NAV2: variants seen among roughly 807,000 people sequenced by gnomAD.
The protein encoded by NAV2 is helicase, APC down-regulated 1.
NAV2 carries 54 observed loss-of-function variants against 223.2 expected under a neutral mutation model. The ratio of observed to expected loss-of-function variants is 0.24; its 90% confidence interval spans 0.19 to 0.30. The LOEUF (loss-of-function observed/expected upper bound fraction) is 0.30, where lower values mean the gene tolerates loss of function less well. NAV2 is among the 10% of genes least tolerant of loss of function. NAV2 has a pLI of 1.00. For missense variants in NAV2, 2,806 were observed against 3,147.5 expected, an observed-to-expected ratio of 0.89 and a Z score of 2.60; for synonymous variants, 1,279 against 1,239.3, an observed-to-expected ratio of 1.03 and a Z score of -0.67.
upstream of NAV2, among the ~76,000 whole-genome samples, chr11:19,709,953 A>G (rs929954): frequency 0.11 from 17,197 of 152,288 alleles, 1,312 homozygotes; most frequent in Non-Finnish European, 0.17. Flanking sequence ...ATCAGAATTT[A>G]GTTATATAAA....
intron 11 of NAV2, among the ~76,000 whole-genome samples, chr11:20,000,263 T>C (rs1287641281): frequency 6.6e-6 from 1 of 152,120 alleles, no homozygotes; most frequent in Non-Finnish European, 1.5e-5. Context: ...CCTGTTAAAA[T>C]CCCCAGCAAA....
At chr11:19,715,690 C>G (rs2050248830) in intron 1 of NAV2, among the ~76,000 whole-genome samples, 1 of 152,078 alleles carries the variant, frequency 6.6e-6, no homozygotes, top group African/African-American at 2.4e-5. Context: ...ATCACCCTGT[C>G]CGTGAAAAAA....
At chr11:19,441,868 A>G (rs187039108) in intron 1 of NAV2, among the ~76,000 whole-genome samples, 7 of 152,300 alleles carry the variant, frequency 4.6e-5, no homozygotes, top group South Asian at 2.1e-4. Flanking sequence ...CACGTATTCA[A>G]TTTGGTCTGG....
chr11:20,094,022 C>T (rs953599325), intron 29 of NAV2, among the ~76,000 whole-genome samples: 2 of 152,224 alleles, frequency 1.3e-5, no homozygotes, highest in Non-Finnish European at 2.9e-5. Context: ...CAGAACAAAG[C>T]GTCTGCAGCC....
chr11:19,792,911 T>G (rs1465387773), intron 1 of NAV2, among the ~76,000 whole-genome samples: 1 of 146,266 alleles, frequency 6.8e-6, no homozygotes, highest in Non-Finnish European at 1.5e-5. Context: ...GAGTGAGCCA[T>G]TAAAAAAAAA....
Position 20,078,029 on chromosome 11 carries a change from C to G in NAV2, c.5104C>G (p.Leu1702Val). 1.2e-6 allele frequency: 2 copies of G among 1,613,186 alleles called. No homozygotes were observed. The highest frequency in any genetic ancestry group is 1.7e-6 in the Non-Finnish European group (2 of 1,179,740). The change falls in exon 24 of 38, where the codon CTG (leucine) becomes GTG (valine). Residue 1702 changes from leucine (L) to valine (V), a missense_variant. Around this residue, in one of 4 missense-constraint regions of NAV2, gnomAD observed 824 missense variants for 1,069.4 expected, o/e 0.77. Coordinates refer to ENST00000349880, the MANE Select transcript of NAV2 (RefSeq NM_145117.5). ...ELNELRKTIE[L>V]LKKQNAAAQA... The stretch of plus-strand genomic sequence containing the variant: ...GAATGAGTTAAGAAAAACCATTGAG[C>G]TGCTAAAGAAACAGAACGCAGCTGC...
chr11:19,658,793 C>A (rs537154749), intron 1 of NAV2, among the ~76,000 whole-genome samples: 2 of 152,152 alleles, frequency 1.3e-5, no homozygotes, highest in Non-Finnish European at 2.9e-5. Flanking sequence ...TCAGAAAATT[C>A]TACAAAGCAG....
At chr11:19,994,827 T>G (rs1347219006) in intron 11 of NAV2, among the ~76,000 whole-genome samples, 2 of 152,216 alleles carry the variant, frequency 1.3e-5, no homozygotes, top group African/African-American at 4.8e-5. Context: ...TCACACCAGA[T>G]AGAAGCTTTC....
chr11:19,870,228 C>T (rs150230532), intron 4 of NAV2, among the ~76,000 whole-genome samples: 1 of 152,220 alleles, frequency 6.6e-6, no homozygotes, highest in East Asian at 1.9e-4. Flanking sequence ...TCAGGGCTGG[C>T]TGACATGTGG....
At chr11:19,756,768 TA>T (rs1301151742) in intron 1 of NAV2, among the ~76,000 whole-genome samples, 1 of 152,222 alleles carries the variant, frequency 6.6e-6, no homozygotes, top group Non-Finnish European at 1.5e-5. Flanking sequence ...TGCTGGGAGT[TA>T]AAAAGGCTGA....
intron 1 of NAV2, among the ~76,000 whole-genome samples, chr11:19,434,124 G>A (rs1421632767): frequency 1.3e-5 from 2 of 152,026 alleles, no homozygotes; most frequent in African/African-American, 4.8e-5. Flanking sequence ...AAAAAAAAGA[G>A]GAGAACATGG....
chr11:20,070,058 T>C (rs1440616241), intron 22 of NAV2, among the ~76,000 whole-genome samples: 1 of 152,220 alleles, frequency 6.6e-6, no homozygotes, highest in African/African-American at 2.4e-5. Flanking sequence ...TAATCTTTTA[T>C]TTTCTTTACC....
chr11:20,098,177 CT>C (rs1381611231), intron 31 of NAV2, among the ~76,000 whole-genome samples: 1 of 152,150 alleles, frequency 6.6e-6, no homozygotes, highest in East Asian at 1.9e-4. Context: ...ACGCATGATG[CT>C]GCTAGAGCTT....
At chr11:20,010,569 A>T (rs2053482527) in intron 11 of NAV2, among the ~76,000 whole-genome samples, 2 of 152,084 alleles carry the variant, frequency 1.3e-5, no homozygotes, top group Non-Finnish European at 2.9e-5. Context: ...TTGGATTCCA[A>T]CAGCTTTAAA....
chr11:19,621,202 G>A (rs1337530212), intron 1 of NAV2, among the ~76,000 whole-genome samples: 1 of 152,140 alleles, frequency 6.6e-6, no homozygotes, highest in Non-Finnish European at 1.5e-5. Context: ...TGTTCATCAG[G>A]GATATTGGTC....
At chr11:19,383,600 C>T (rs987425801) in intron 1 of NAV2, among the ~76,000 whole-genome samples, 88 of 152,190 alleles carry the variant, frequency 5.8e-4, no homozygotes, top group African/African-American at 1.9e-3. Context: ...GCACAGACTT[C>T]GGCGTCACAC....
upstream of NAV2, chr11:19,711,594 A>T (rs2049880837): frequency 6.6e-6 from 1 of 152,242 alleles, no homozygotes; most frequent in South Asian, 2.1e-4. Context: ...AGTTAATAGC[A>T]TCTGAGTTAT....
chr11:19,659,980 C>T (rs375080119), intron 1 of NAV2, among the ~76,000 whole-genome samples: 9 of 149,292 alleles, frequency 6.0e-5, no homozygotes, highest in Non-Finnish European at 1.0e-4. Flanking sequence ...ATTATTATTG[C>T]TATTAATACT....
intron 1 of NAV2, among the ~76,000 whole-genome samples, chr11:19,468,447 GACA>G (rs1476610534): frequency 6.6e-6 from 1 of 152,112 alleles, no homozygotes; most frequent in African/African-American, 2.4e-5. Context: ...TTTGGCTTGT[GACA>G]ACATCACTCT....
Sources: allele counts gnomAD v4.1 joint callset (sites outside exome capture counted in the v4.1 genomes callset), GRCh38; gene constraint gnomAD v4.1.1; regional missense constraint gnomAD v4.1.1; transcripts MANE v1.5; gene names NCBI Gene and HGNC (gene_info 2026-07-23, HGNC 2026-07-21).